The following ASTN1 variants were observed in gnomAD, a reference collection of about 807,000 sequenced individuals.
The protein encoded by ASTN1 is astrotactin-1.
A neutral mutation model predicts 140.7 loss-of-function variants in ASTN1; 41 were observed. The observed-to-expected ratio is 0.29, with a 90% CI of 0.23 to 0.38. The LOEUF is 0.38. ASTN1 is among the 10% of genes least tolerant of loss of function. ASTN1 has a pLI of 1.00. For synonymous variants in ASTN1, 640 were observed against 652.2 expected (o/e 0.98, Z 0.29); for missense variants, 1,479 against 1,678.8 (o/e 0.88, Z 2.08).
chr1:177,018,060 T>C (rs1407727904), intron 7 of ASTN1, among the ~76,000 whole-genome samples: 2 of 152,162 alleles, frequency 1.3e-5, no homozygotes, highest in African/African-American at 4.8e-5. Flanking sequence ...TTGGGTGTGC[T>C]CCTTCTAAAA....
At chr1:177,147,019 T>C (rs1026123776) in intron 1 of ASTN1, among the ~76,000 whole-genome samples, 2 of 152,106 alleles carry the variant, frequency 1.3e-5, no homozygotes, top group Admixed American at 6.5e-5. Flanking sequence ...TGGGTTATTC[T>C]TAAATGAAAC....
intron 1 of ASTN1, among the ~76,000 whole-genome samples, chr1:177,098,105 A>T (rs1680115642): frequency 6.6e-6 from 1 of 152,192 alleles, no homozygotes. Context: ...GTTGTGGGAA[A>T]TCTTCCCACT....
chr1:177,022,230 G>A (rs1177730155), intron 7 of ASTN1, among the ~76,000 whole-genome samples: 3 of 152,120 alleles, frequency 2.0e-5, no homozygotes, highest in Admixed American at 1.3e-4. Context: ...AAGAAGATGC[G>A]AGTGTGGTGG....
chr1:177,163,913 C>A (rs1488703393), intron 1 of ASTN1, among the ~76,000 whole-genome samples: 1 of 152,146 alleles, frequency 6.6e-6, no homozygotes. Context: ...CTGGCTTGCA[C>A]ATAGCTGGCA....
Position 176,979,419 on chromosome 1 carries a change from G to C in ASTN1, c.1524-14182C>G, listed in dbSNP as rs1673510814. Among the ~76,000 whole-genome samples the C allele has an allele frequency of 2.6e-5, 4 of 152,148 alleles. No homozygotes were observed. In the South Asian group the frequency reaches 8.3e-4, roughly 32 times the overall value. ...CTTTCCCTCCCTTCTGACCTGGTTG[G>C]TCCTTTCTCATCTTTCAGTGTCAAC... On this transcript the variant is annotated intron_variant, in intron 8 of 22. Coordinates refer to ENST00000361833, the MANE Select transcript of ASTN1 (RefSeq NM_004319.3).
At chr1:177,022,078 C>A (rs1474263856) in intron 7 of ASTN1, among the ~76,000 whole-genome samples, 2 of 152,186 alleles carry the variant, frequency 1.3e-5, no homozygotes, top group East Asian at 3.8e-4. Context: ...CATAAAACAA[C>A]TTTAACACCT....
At chr1:177,104,731 A>G in intron 1 of ASTN1, among the ~76,000 whole-genome samples, 1 of 152,206 alleles carries the variant, frequency 6.6e-6, no homozygotes, top group East Asian at 1.9e-4. Flanking sequence ...AGTGAAATGA[A>G]TGCTAGTCCA....
chr1:177,151,452 G>C (rs6691459), intron 1 of ASTN1, among the ~76,000 whole-genome samples: 23,151 of 151,374 alleles, frequency 0.15, 3,547 homozygotes, highest in African/African-American at 0.4. Context: ...GAGAGAGAAA[G>C]AAAATTGTTA....
intron 16 of ASTN1, among the ~76,000 whole-genome samples, chr1:176,922,094 T>C (rs953471577): frequency 6.6e-6 from 1 of 152,182 alleles, no homozygotes; most frequent in Non-Finnish European, 1.5e-5. Context: ...GACCCCCTTA[T>C]GCCCCGGAGA....
intron 8 of ASTN1, among the ~76,000 whole-genome samples, chr1:176,979,453 A>T (rs1488442783): frequency 6.6e-6 from 1 of 152,112 alleles, no homozygotes; most frequent in East Asian, 1.9e-4. Flanking sequence ...ACTTAAACAC[A>T]CTGCCTCAGA....
intron 16 of ASTN1, among the ~76,000 whole-genome samples, chr1:176,916,492 G>A (rs556780899): frequency 6.6e-6 from 1 of 152,252 alleles, no homozygotes; most frequent in Admixed American, 6.5e-5. Context: ...CATTGAGGGG[G>A]GTCCCCGCAG....
At chr1:177,133,494 A>G (rs1359976647) in intron 1 of ASTN1, among the ~76,000 whole-genome samples, 6 of 152,204 alleles carry the variant, frequency 3.9e-5, no homozygotes, top group African/African-American at 1.4e-4. Context: ...CAAACTCATC[A>G]AGCCTTTCTC....
chr1:177,027,653 T>C (rs1676189230), intron 5 of ASTN1, among the ~76,000 whole-genome samples: 1 of 151,268 alleles, frequency 6.6e-6, no homozygotes, highest in Non-Finnish European at 1.5e-5. Context: ...TATGTGCCAT[T>C]TTCCTTTACT....
At chr1:177,055,017 A>T (rs1424015904) in intron 2 of ASTN1, among the ~76,000 whole-genome samples, 1 of 152,178 alleles carries the variant, frequency 6.6e-6, no homozygotes, top group Non-Finnish European at 1.5e-5. Context: ...TTTTATCTCT[A>T]TATAAATTTC....
At position 176,861,802 on chromosome 1, in the gene ASTN1, G is replaced by C; in HGVS notation, c.*2482C>G. 1 of 985,374 alleles carries C rather than the reference G, an allele frequency of 1.0e-6. No individual in the cohort carries two copies. The highest frequency in any genetic ancestry group is 1.2e-6 in the Non-Finnish European group (1 of 829,930). 61.0% of individuals were successfully genotyped at this position (985,374 alleles called of 1,614,324 possible). On this transcript the variant is annotated 3_prime_UTR_variant, in exon 23 of 23. Transcript: ENST00000361833. ...AAAAGGAGGGTCACAGAAAGAAGAA[G>C]TAAAAGACAAAGATAAAGAAGGTAG...
At chr1:177,141,234 CA>C in intron 1 of ASTN1, among the ~76,000 whole-genome samples, 1 of 151,592 alleles carries the variant, frequency 6.6e-6, no homozygotes, top group South Asian at 2.1e-4. Context: ...AACAAACAAA[CA>C]AAAAAAACAA....
intron 1 of ASTN1, among the ~76,000 whole-genome samples, chr1:177,114,852 T>G (rs1179741129): frequency 6.6e-6 from 1 of 152,226 alleles, no homozygotes; most frequent in Admixed American, 6.5e-5. Context: ...CTCTGGTTCC[T>G]GTTGCATTTC....
chr1:177,034,716 T>C (rs1676627551), intron 2 of ASTN1, among the ~76,000 whole-genome samples: 1 of 152,126 alleles, frequency 6.6e-6, no homozygotes, highest in Admixed American at 6.5e-5. Flanking sequence ...AGAACCTGTA[T>C]CTCAGAGTCA....
At chr1:177,006,373 T>C (rs12125802) in intron 8 of ASTN1, among the ~76,000 whole-genome samples, 53,186 of 150,922 alleles carry the variant, frequency 0.35, 10,096 homozygotes, top group Non-Finnish European at 0.43. Context: ...TCTCTACACA[T>C]GGGATAATGA....
Sources: gnomAD v4.1 joint callset for allele counts (sites outside exome capture counted in the v4.1 genomes callset) on GRCh38, gnomAD v4.1.1 for gene constraint, MANE v1.5 for transcripts, NCBI Gene and HGNC (gene_info 2026-07-23, HGNC 2026-07-21) for gene names.